Variants in CDK5RAP2 observed in about 807,000 individuals in gnomAD.
The protein encoded by CDK5RAP2 is CDK5 regulatory subunit-associated protein 2.
In CDK5RAP2, 147 loss-of-function variants were observed where a neutral mutation model predicts 232.9. The ratio of observed to expected loss-of-function variants is 0.63; its 90% CI spans 0.55 to 0.72. CDK5RAP2 has a LOEUF of 0.72. CDK5RAP2 is among the 30% of genes least tolerant of loss of function. CDK5RAP2 has a pLI of 0.00. For missense variants in CDK5RAP2, 2,195 were observed against 2,231.5 expected, an observed-to-expected ratio of 0.98 and a Z score of 0.33; for synonymous variants, 833 against 833.7, an observed-to-expected ratio of 1.00 and a Z score of 0.01.
rs187855868 is a variant in CDK5RAP2 at position 120,575,179 on chromosome 9, G to C, written c.60-3138C>G. On this transcript the variant is annotated intron_variant, in intron 1 of 37. Coordinates refer to ENST00000349780, the MANE Select transcript of CDK5RAP2 (RefSeq NM_018249.6). ...CGATTCTCGTGCCTCAGCCTCCCAA[G>C]TAGCTAGGATTACAGGCATGCACCA... Among the ~76,000 whole-genome samples, 96 of 152,110 alleles carry C rather than the reference G, an allele frequency of 6.3e-4. 1 individual carries two copies. The highest frequency in any genetic ancestry group is 1.8e-4 in the Non-Finnish European group (12 of 67,996).
intron 11 of CDK5RAP2, among the ~76,000 whole-genome samples, chr9:120,520,218 A>G (rs1467235407): frequency 1.3e-5 from 2 of 152,220 alleles, no homozygotes; most frequent in African/African-American, 4.8e-5. Context: ...ATAGCTCAAC[A>G]AATGTTCACA....
In CDK5RAP2 at chr9:120,548,607, G is replaced by C. The variant is rs530617439; in HGVS notation, c.306+2185C>G. On this transcript the variant is annotated intron_variant, in intron 4 of 37. Coordinates refer to ENST00000349780, the MANE Select transcript of CDK5RAP2 (RefSeq NM_018249.6). ...GGATGGTTTGAGGCTAGAAGTTCAAGACCAGCCTTGGGCAACATAGCAAGA... is the reference window on the plus strand; with the variant it reads ...GGATGGTTTGAGGCTAGAAGTTCAACACCAGCCTTGGGCAACATAGCAAGA... 3.3e-5 allele frequency among the ~76,000 whole-genome samples: 5 copies of C among 152,298 alleles called. 1 individual carries two copies. The South Asian group carries it at 1.0e-3, about 32-fold the overall frequency.
chr9:120,389,177 C>T lies in CDK5RAP2; in HGVS notation c.*59G>A. 3 of 1,396,690 alleles carry T rather than the reference C, an allele frequency of 2.1e-6. No individual in the cohort carries two copies. The highest frequency in any genetic ancestry group is 3.0e-6 in the Non-Finnish European group (3 of 991,014). The allele number at this position is 1,396,690 out of a possible 1,614,324, so 86.5% of individuals were successfully genotyped here. Reference sequence around the variant, plus strand: ...CAATAAATAGGAACCACACTTGGAACAAAGAGACAGCGTGAGCTCGGTGGG... The same window carrying T: ...CAATAAATAGGAACCACACTTGGAATAAAGAGACAGCGTGAGCTCGGTGGG... On this transcript the variant is annotated 3_prime_UTR_variant, in exon 38 of 38. Coordinates refer to ENST00000349780, the MANE Select transcript of CDK5RAP2 (RefSeq NM_018249.6).
intron 1 of CDK5RAP2, among the ~76,000 whole-genome samples, chr9:120,572,660 T>C (rs1226003597): frequency 1.3e-5 from 2 of 152,158 alleles, no homozygotes. Context: ...ATAGGAGGTG[T>C]GGTGTGACAC....
intron 10 of CDK5RAP2, among the ~76,000 whole-genome samples, chr9:120,527,114 T>C (rs541304749): frequency 3.3e-5 from 5 of 152,302 alleles, no homozygotes; most frequent in African/African-American, 1.2e-4. Context: ...TCTCTGTCTG[T>C]TCCTTGCATA....
At chr9:120,555,021 TGAATG>T (rs2042173665) in intron 3 of CDK5RAP2, among the ~76,000 whole-genome samples, 1 of 150,458 alleles carries the variant, frequency 6.6e-6, no homozygotes, top group East Asian at 2.0e-4. Flanking sequence ...AATCTTGAAA[TGAATG>T]GAAAGATAGA....
intron 13 of CDK5RAP2, among the ~76,000 whole-genome samples, 169 bp downstream of exon 13, chr9:120,491,138 C>T (rs991355521): frequency 3.3e-5 from 5 of 152,134 alleles, no homozygotes; most frequent in Non-Finnish European, 7.4e-5. Context: ...TCTGTTTCAC[C>T]ACACTTACCT....
chr9:120,446,254 C>G (rs1255160601), intron 22 of CDK5RAP2, among the ~76,000 whole-genome samples: 1 of 152,022 alleles, frequency 6.6e-6, no homozygotes, highest in Non-Finnish European at 1.5e-5. Context: ...GGTTTGTCAA[C>G]TCCTACTTTT....
At chr9:120,425,643 CCA>C (rs1407353108) in intron 25 of CDK5RAP2, among the ~76,000 whole-genome samples, 1 of 152,218 alleles carries the variant, frequency 6.6e-6, no homozygotes, top group Non-Finnish European at 1.5e-5. Flanking sequence ...GCTTAAGAAG[CCA>C]CTTTTGAAAC....
At chr9:120,578,385 T>C (rs1588697651) in intron 1 of CDK5RAP2, among the ~76,000 whole-genome samples, 1 of 151,880 alleles carries the variant, frequency 6.6e-6, no homozygotes, top group Non-Finnish European at 1.5e-5. Flanking sequence ...GGATGTAAAA[T>C]AGATAGAAAA....
chr9:120,454,640 C>T (rs1441594615), intron 20 of CDK5RAP2, among the ~76,000 whole-genome samples: 4 of 152,214 alleles, frequency 2.6e-5, no homozygotes, highest in African/African-American at 7.2e-5. Flanking sequence ...ACACCCTCTA[C>T]GTCTCTGCTG....
chr9:120,470,369 G>T, intron 16 of CDK5RAP2, 149 bp from the exon 17 acceptor site: 1 of 535,484 alleles, frequency 1.9e-6, no homozygotes, highest in Non-Finnish European at 3.3e-6. Context: ...ACACAGAGGG[G>T]GCTTAAGGCA....
chr9:120,417,542 T>C (rs1386965763), intron 27 of CDK5RAP2, among the ~76,000 whole-genome samples: 1 of 152,220 alleles, frequency 6.6e-6, no homozygotes, highest in Non-Finnish European at 1.5e-5. Flanking sequence ...GAAGGGGACA[T>C]AAATGCTTAG....
chr9:120,421,257 A>G (rs1190334606), intron 26 of CDK5RAP2, among the ~76,000 whole-genome samples: 1 of 151,532 alleles, frequency 6.6e-6, no homozygotes, highest in Non-Finnish European at 1.5e-5. Flanking sequence ...AGCCCCTTCA[A>G]CTCTCACCCT....
In CDK5RAP2 at chr9:120,389,014, T is replaced by A. The variant is rs934493122; in HGVS notation, c.*222A>T. 9 of 598,400 alleles carry A rather than the reference T, an allele frequency of 1.5e-5. No individual in the cohort carries two copies. Among genetic ancestry groups the A allele is most frequent in the Admixed American group, 1.5e-4 (5 of 33,772 alleles). The allele number at this position is 598,400 out of a possible 1,614,324, so 37.1% of individuals were successfully genotyped here. On this transcript the variant is annotated 3_prime_UTR_variant, in exon 38 of 38. Coordinates refer to ENST00000349780, the MANE Select transcript of CDK5RAP2 (RefSeq NM_018249.6). ...CCTGCCCCTGATCTGAAATACAACA[T>A]CCAAGAGCTCGAGGCCTTTTTACCA...
Position 120,437,370 on chromosome 9 carries a change from C to A in CDK5RAP2, c.3880G>T (p.Val1294Leu). The change falls in exon 25 of 38, where the codon GTG becomes TTG. Residue 1294 changes from valine (V) to leucine (L), a missense_variant. Physicochemically the swap from Val to Leu is conservative, Grantham distance 32 (BLOSUM62 1). Coordinates refer to ENST00000349780, the MANE Select transcript of CDK5RAP2 (RefSeq NM_018249.6). ...AGCTGTTCCTGGAAACCCTCGGCCA[C>A]ACAGTAATCCACATCACTGGCCTGC... is the stretch of plus-strand genomic sequence containing the variant. ...LLQASDVDYC[V>L]AEGFQEQLNQ... is the part of the protein sequence containing the mutation. 1 of 1,614,124 alleles carries A rather than the reference C, an allele frequency of 6.2e-7. No individual in the cohort carries two copies. Among genetic ancestry groups the A allele is most frequent in the Non-Finnish European group, 8.5e-7 (1 of 1,180,006 alleles).
At chr9:120,506,028 A>T (rs2039793681) in intron 12 of CDK5RAP2, among the ~76,000 whole-genome samples, 2 of 152,262 alleles carry the variant, frequency 1.3e-5, no homozygotes, top group Non-Finnish European at 2.9e-5. Context: ...ACAGCCTTAC[A>T]TTGGAAGAAG....
At chr9:120,503,256 C>T (rs1202877096) in intron 12 of CDK5RAP2, among the ~76,000 whole-genome samples, 2 of 152,154 alleles carry the variant, frequency 1.3e-5, no homozygotes, top group South Asian at 2.1e-4. Context: ...GAGACTGAGG[C>T]CCTCCTTCTA....
intron 26 of CDK5RAP2, among the ~76,000 whole-genome samples, chr9:120,420,263 T>C (rs762449234): frequency 1.2e-4 from 19 of 152,262 alleles, no homozygotes; most frequent in South Asian, 4.2e-4. Context: ...AAATAACCTC[T>C]CTATACCAAG....
Sources: gnomAD v4.1 joint callset for allele counts (sites outside exome capture counted in the v4.1 genomes callset) on GRCh38, gnomAD v4.1.1 for gene constraint, MANE v1.5 for transcripts, NCBI Gene and HGNC (gene_info 2026-07-23, HGNC 2026-07-21) for gene names.